Variants in DCC observed in about 807,000 individuals in gnomAD.
The protein encoded by DCC is netrin receptor DCC.
In DCC, 58 loss-of-function variants were observed where a neutral mutation model predicts 172.5. The observed-to-expected ratio is 0.34, with a 90% CI of 0.27 to 0.42. The LOEUF (loss-of-function observed/expected upper bound fraction) is 0.42, where lower values mean the gene tolerates loss of function less well. Ranked by LOEUF, DCC falls within the 10% of genes least tolerant of loss-of-function variation. The pLI, the probability that DCC is intolerant of heterozygous loss-of-function variation, is 1.00. For missense variants in DCC, 1,740 were observed against 1,791.0 expected (o/e 0.97, Z 0.51); for synonymous variants, 709 against 644.5 (o/e 1.10, Z -1.52).
At chr18:53,446,098 C>CAAAAAAAAAA (rs1246126122) in intron 22 of DCC, among the ~76,000 whole-genome samples, 27 of 32,228 alleles carry the variant, frequency 8.4e-4, no homozygotes, top group Non-Finnish European at 2.1e-3. Flanking sequence ...CCTGTCTCTA[C>CAAAAAAAAAA]AAAAAAAAAA....
chr18:53,483,517 A>G (rs930844214), intron 25 of DCC, among the ~76,000 whole-genome samples: 2 of 151,908 alleles, frequency 1.3e-5, no homozygotes, highest in African/African-American at 4.8e-5. Flanking sequence ...ATATGTGAGG[A>G]AGTGCCTTGT....
At chr18:52,463,559 G>C (rs1988695283) in intron 1 of DCC, among the ~76,000 whole-genome samples, 1 of 152,182 alleles carries the variant, frequency 6.6e-6, no homozygotes, top group South Asian at 2.1e-4. Flanking sequence ...TAAAACAATT[G>C]GCTGAAGGGC....
intron 2 of DCC, among the ~76,000 whole-genome samples, chr18:52,860,736 A>T (rs965814464): frequency 3.9e-5 from 6 of 152,302 alleles, no homozygotes; most frequent in South Asian, 2.1e-4. Context: ...GCTGTGCTTC[A>T]TGCCTGTAAT....
At chr18:53,228,433 A>C (rs1056269828) in intron 12 of DCC, among the ~76,000 whole-genome samples, 1 of 152,108 alleles carries the variant, frequency 6.6e-6, no homozygotes, top group Non-Finnish European at 1.5e-5. Context: ...TGTAGGAGTC[A>C]CTTTCTAAAC....
At chr18:52,848,082 A>ATTTT (rs11291428) in intron 2 of DCC, among the ~76,000 whole-genome samples, 2 of 127,388 alleles carry the variant, frequency 1.6e-5, no homozygotes, top group Admixed American at 8.3e-5. Flanking sequence ...GACTTTTCTA[A>ATTTT]TTTTTTTTTT....
At chr18:53,315,192 T>A (rs1403461784) in intron 13 of DCC, among the ~76,000 whole-genome samples, 1 of 152,150 alleles carries the variant, frequency 6.6e-6, no homozygotes, top group Non-Finnish European at 1.5e-5. Flanking sequence ...CAACTCCCAC[T>A]TATGAGTGAG....
intron 1 of DCC, among the ~76,000 whole-genome samples, chr18:52,526,323 G>C (rs1389604766): frequency 6.6e-6 from 1 of 152,136 alleles, no homozygotes; most frequent in East Asian, 1.9e-4. Context: ...TGAGAATATT[G>C]AGTATGGTGA....
intron 3 of DCC, among the ~76,000 whole-genome samples, chr18:52,907,953 C>T (rs778177896): frequency 6.6e-6 from 1 of 152,190 alleles, no homozygotes; most frequent in Non-Finnish European, 1.5e-5. Context: ...CCCTAAGACA[C>T]TGGCCTCATT....
chr18:52,548,626 C>T (rs952015549), intron 1 of DCC, among the ~76,000 whole-genome samples: 2 of 152,048 alleles, frequency 1.3e-5, no homozygotes, highest in Non-Finnish European at 2.9e-5. Context: ...GTTTTCAATT[C>T]GAAAACTGGG....
chr18:52,377,640 T>C (rs1455573043), intron 1 of DCC, among the ~76,000 whole-genome samples: 1 of 151,822 alleles, frequency 6.6e-6, no homozygotes, highest in Non-Finnish European at 1.5e-5. Flanking sequence ...TATGCATTTT[T>C]TTTTATAGGA....
chr18:52,398,215 C>A (rs1986304735), intron 1 of DCC, among the ~76,000 whole-genome samples: 1 of 151,954 alleles, frequency 6.6e-6, no homozygotes, highest in African/African-American at 2.4e-5. Context: ...CCATTACCAA[C>A]ATTTTCTTAG....
intron 21 of DCC, among the ~76,000 whole-genome samples, chr18:53,428,391 AATATAATATAATATATTACAT>A (rs1269110522): frequency 0.014 from 712 of 51,632 alleles, 76 homozygotes; most frequent in Non-Finnish European, 0.023. Context: ...TATTGTATAT[AATATAATATAATATATTACAT>A]ATATAATATA....
intron 9 of DCC, among the ~76,000 whole-genome samples, chr18:53,193,059 C>G (rs532838125): frequency 6.6e-6 from 1 of 152,278 alleles, no homozygotes; most frequent in South Asian, 2.1e-4. Context: ...CTAATTCAAG[C>G]TGTTTTCCTC....
intron 1 of DCC, among the ~76,000 whole-genome samples, chr18:52,600,684 G>T (rs1030767040): frequency 6.6e-6 from 1 of 151,494 alleles, no homozygotes; most frequent in Non-Finnish European, 1.5e-5. Context: ...TTTCAATAAA[G>T]CTTTGTAATT....
chr18:53,178,536 G>A (rs2055144371), intron 8 of DCC, among the ~76,000 whole-genome samples: 1 of 152,112 alleles, frequency 6.6e-6, no homozygotes. Context: ...GCATTTGTTG[G>A]CAATACTGAC....
chr18:52,482,703 A>G (rs2030018431), intron 1 of DCC, among the ~76,000 whole-genome samples: 1 of 152,166 alleles, frequency 6.6e-6, no homozygotes, highest in East Asian at 1.9e-4. Flanking sequence ...GTAGAATTTC[A>G]ATATATGAAT....
intron 1 of DCC, among the ~76,000 whole-genome samples, chr18:52,540,976 G>C (rs1182139630): frequency 6.6e-6 from 1 of 152,100 alleles, no homozygotes; most frequent in African/African-American, 2.4e-5. Flanking sequence ...GCAATTGGGT[G>C]GTGATAGCAA....
chr18:53,188,414 T>C (rs1034052969), intron 9 of DCC, among the ~76,000 whole-genome samples: 3 of 152,208 alleles, frequency 2.0e-5, no homozygotes, highest in African/African-American at 7.2e-5. Flanking sequence ...CTGTTTGTTT[T>C]TGGGGAAGTC....
intron 1 of DCC, among the ~76,000 whole-genome samples, chr18:52,399,509 C>T (rs1254368927): frequency 6.6e-6 from 1 of 151,904 alleles, no homozygotes; most frequent in African/African-American, 2.4e-5. Flanking sequence ...ATTCTTCATC[C>T]TACCACATCC....
Sources: gnomAD v4.1 joint callset for allele counts (sites outside exome capture counted in the v4.1 genomes callset) on GRCh38, gnomAD v4.1.1 for gene constraint, MANE v1.5 for transcripts, NCBI Gene and HGNC (gene_info 2026-07-23, HGNC 2026-07-21) for gene names.